Variants in PTPRD observed in about 807,000 individuals in gnomAD.
The protein encoded by PTPRD is receptor-type tyrosine-protein phosphatase delta.
PTPRD carries 34 observed loss-of-function variants against 214.5 expected under a neutral mutation model. The observed-to-expected ratio is 0.16, with a 90% CI of 0.12 to 0.21. PTPRD has a LOEUF of 0.21. Ranked by LOEUF, PTPRD falls within the 10% of genes least tolerant of loss-of-function variation. The pLI is 1.00. For missense variants in PTPRD, 2,545 were observed against 2,398.7 expected (o/e 1.06, Z -1.27); for synonymous variants, 1,128 against 845.7 (o/e 1.33, Z -5.79).
chr9:9,803,680 T>C (rs1384354778), intron 5 of PTPRD: 2 of 152,028 alleles, frequency 1.3e-5, no homozygotes, highest in Admixed American at 1.3e-4. Context: ...AACAAAATTT[T>C]TAATTTATAA....
intron 11 of PTPRD, among the ~76,000 whole-genome samples, chr9:9,017,115 C>T (rs2099539050): frequency 6.6e-6 from 1 of 151,960 alleles, no homozygotes; most frequent in Admixed American, 6.6e-5. Context: ...AGATTATCAT[C>T]GCAACAAAGA....
At chr9:10,309,364 T>G (rs894354069) in intron 3 of PTPRD, among the ~76,000 whole-genome samples, 7 of 151,982 alleles carry the variant, frequency 4.6e-5, no homozygotes, top group African/African-American at 1.7e-4. Context: ...TTGTGTTGTG[T>G]TTTTTGAAGA....
intron 12 of PTPRD, among the ~76,000 whole-genome samples, chr9:8,697,444 A>ATTTTT (rs2097944180): frequency 1.1e-5 from 1 of 87,808 alleles, no homozygotes; most frequent in African/African-American, 4.8e-5. Flanking sequence ...TTTTTTTGAG[A>ATTTTT]CAGAATTTTG....
At chr9:8,379,097 A>G (rs558343254) in intron 37 of PTPRD, among the ~76,000 whole-genome samples, 95 of 152,298 alleles carry the variant, frequency 6.2e-4, no homozygotes, top group South Asian at 3.9e-3. Context: ...TTTAGTATTT[A>G]CCAAAAGAAA....
At chr9:8,500,583 A>AAAAAAAAAAAC (rs1563868169) in intron 24 of PTPRD, among the ~76,000 whole-genome samples, 171 bp downstream of exon 24, 2 of 146,318 alleles carry the variant, frequency 1.4e-5, no homozygotes, top group African/African-American at 2.5e-5. Flanking sequence ...AAAAAAAAAA[A>AAAAAAAAAAAC]AAAAAAAGGC....
At chr9:10,064,754 A>T (rs193037043) in intron 3 of PTPRD, among the ~76,000 whole-genome samples, 1 of 152,094 alleles carries the variant, frequency 6.6e-6, no homozygotes, top group East Asian at 1.9e-4. Flanking sequence ...ACCTCAGCAT[A>T]ATGTTATAAA....
intron 3 of PTPRD, among the ~76,000 whole-genome samples, chr9:10,146,941 G>A (rs79860242): frequency 0.022 from 3,277 of 152,184 alleles, 53 homozygotes; most frequent in Non-Finnish European, 0.032. Flanking sequence ...AGAGACAGTT[G>A]ATAAGCCAAG....
At chr9:8,974,922 C>A (rs904049219) in intron 11 of PTPRD, among the ~76,000 whole-genome samples, 45 of 151,530 alleles carry the variant, frequency 3.0e-4, no homozygotes, top group African/African-American at 1.0e-3. Context: ...CATCGTGAAA[C>A]CCCGTCTGTA....
intron 29 of PTPRD, 97 bp downstream of exon 29, chr9:8,485,130 A>T: frequency 1.9e-6 from 2 of 1,027,068 alleles, no homozygotes; most frequent in East Asian, 5.1e-5. Flanking sequence ...CACGTGGCCA[A>T]AACAAAGTGG....
At chr9:10,147,945 CA>C (rs1306644524) in intron 3 of PTPRD, among the ~76,000 whole-genome samples, 1 of 152,122 alleles carries the variant, frequency 6.6e-6, no homozygotes, top group Non-Finnish European at 1.5e-5. Flanking sequence ...ATTGTGGTAG[CA>C]AGGTCTGAGC....
At chr9:9,918,060 C>A (rs999151108) in intron 5 of PTPRD, among the ~76,000 whole-genome samples, 1 of 151,756 alleles carries the variant, frequency 6.6e-6, no homozygotes, top group African/African-American at 2.4e-5. Flanking sequence ...CTACCCAGAA[C>A]AATTAGGCAA....
At chr9:8,472,500 T>C (rs192601002) in intron 30 of PTPRD, among the ~76,000 whole-genome samples, 1 of 152,148 alleles carries the variant, frequency 6.6e-6, no homozygotes, top group African/African-American at 2.4e-5. Flanking sequence ...CCATTAAGAG[T>C]CTAGAGCAGA....
chr9:9,943,484 G>A (rs909908393), intron 4 of PTPRD, among the ~76,000 whole-genome samples: 1 of 152,098 alleles, frequency 6.6e-6, no homozygotes, highest in African/African-American at 2.4e-5. Context: ...TGTCAATTAT[G>A]TTATTGAACA....
At chr9:8,641,515 G>T (rs1472750996) in intron 12 of PTPRD, among the ~76,000 whole-genome samples, 1 of 148,368 alleles carries the variant, frequency 6.7e-6, no homozygotes, top group Non-Finnish European at 1.5e-5. Flanking sequence ...TTAAACTAAT[G>T]CCAGGTACTG....
At chr9:9,490,871 A>G (rs1244512439) in intron 8 of PTPRD, among the ~76,000 whole-genome samples, 1 of 146,850 alleles carries the variant, frequency 6.8e-6, no homozygotes, top group Non-Finnish European at 1.5e-5. Flanking sequence ...GTTATTCCTT[A>G]TTAGTAATTA....
intron 9 of PTPRD, among the ~76,000 whole-genome samples, chr9:9,183,691 C>T (rs1037811531): frequency 5.9e-5 from 9 of 151,980 alleles, no homozygotes; most frequent in African/African-American, 2.2e-4. Context: ...TCATTAAGTC[C>T]AGTAAACATC....
At chr9:8,737,021 G>C (rs1302875961) in intron 11 of PTPRD, among the ~76,000 whole-genome samples, 5 of 152,152 alleles carry the variant, frequency 3.3e-5, no homozygotes, top group African/African-American at 1.2e-4. Flanking sequence ...GTCTGTGCAA[G>C]CGTATCAGAG....
chr9:9,976,474 C>T (rs1051994663), intron 4 of PTPRD, among the ~76,000 whole-genome samples: 11 of 151,354 alleles, frequency 7.3e-5, no homozygotes, highest in African/African-American at 1.2e-4. Context: ...GCAACCTTTG[C>T]CTCCTGAGTT....
rs373530779 is a variant in PTPRD at position 10,432,935 on chromosome 9, C to T, written c.-599-91918G>A. On this transcript the variant is annotated intron_variant, in intron 2 of 45. Coordinates refer to ENST00000381196, the MANE Select transcript of PTPRD (RefSeq NM_002839.4). ...GCTTACCCCATCCCCTTTTCATTTG[C>T]TATCACATTTGCCTTCCATTGAGAA... is the stretch of plus-strand genomic sequence containing the variant. Among the ~76,000 whole-genome samples, 6 of 152,080 alleles carry T rather than the reference C, an allele frequency of 3.9e-5. No individual in the cohort carries two copies. The East Asian group carries it at 1.2e-3, about 30-fold the overall frequency.
Sources: allele counts gnomAD v4.1 joint callset (sites outside exome capture counted in the v4.1 genomes callset), GRCh38; gene constraint gnomAD v4.1.1; transcripts MANE v1.5; gene names NCBI Gene and HGNC (gene_info 2026-07-23, HGNC 2026-07-21).